The following PLEKHA7 variants were observed in gnomAD, a reference collection of about 807,000 sequenced individuals.
The protein encoded by PLEKHA7 is pleckstrin homology domain-containing family A member 7.
In PLEKHA7, 104 loss-of-function variants were observed where a neutral mutation model predicts 170.0. The observed-to-expected ratio is 0.61, with a 90% confidence interval of 0.52 to 0.72. The LOEUF (loss-of-function observed/expected upper bound fraction) is 0.72, where lower values mean the gene tolerates loss of function less well. PLEKHA7 is among the 30% of genes least tolerant of loss of function. The pLI is 0.00. For missense variants in PLEKHA7, 1,615 were observed against 1,671.7 expected (o/e 0.97, Z 0.59); for synonymous variants, 648 against 660.8 (o/e 0.98, Z 0.30).
intron 3 of PLEKHA7, among the ~76,000 whole-genome samples, chr11:16,989,098 C>G (rs1255799528): frequency 6.6e-6 from 1 of 152,246 alleles, no homozygotes; most frequent in Non-Finnish European, 1.5e-5. Context: ...CAGAGCAGAG[C>G]AGCACCATCA....
intron 9 of PLEKHA7, among the ~76,000 whole-genome samples, chr11:16,833,906 G>A (rs113637011): frequency 0.095 from 14,486 of 151,900 alleles, 813 homozygotes; most frequent in East Asian, 0.15. Context: ...AAAAGTGGCC[G>A]GGCACGGTGG....
At chr11:16,887,532 T>C (rs1856225173) in intron 3 of PLEKHA7, among the ~76,000 whole-genome samples, 1 of 152,204 alleles carries the variant, frequency 6.6e-6, no homozygotes, top group South Asian at 2.1e-4. Context: ...TGCCTGGGAT[T>C]GCAGGCGCGC....
In PLEKHA7 at chr11:16,809,946, C is replaced by T. The variant is rs143376102; in HGVS notation, c.2007+3167G>A. Among the ~76,000 whole-genome samples, 499 of 145,032 alleles carry T rather than the reference C, an allele frequency of 3.4e-3. 9 individuals carry two copies. Among genetic ancestry groups the T allele is most frequent in the African/African-American group, 0.012 (470 of 38,960 alleles). On this transcript the variant is annotated intron_variant, in intron 13 of 26. Coordinates refer to ENST00000531066, the MANE Select transcript of PLEKHA7 (RefSeq NM_001329630.2). ...CAGCTGCTGTTGTGCTTCCTTTCTC[C>T]ACCCAGTGTGTCCCATTAGGGAACT...
chr11:16,854,786 A>G, intron 6 of PLEKHA7, 103 bp downstream of exon 6: 1 of 971,370 alleles, frequency 1.0e-6, no homozygotes, highest in South Asian at 1.4e-5. Context: ...AAACTCAGGA[A>G]CAGAAAGCTT....
chr11:16,947,255 C>T (rs915073391), intron 3 of PLEKHA7, among the ~76,000 whole-genome samples: 3 of 152,064 alleles, frequency 2.0e-5, no homozygotes, highest in Admixed American at 1.3e-4. Context: ...AATGTAAATT[C>T]GTACAGCCAT....
At chr11:16,925,498 C>T (rs917470475) in intron 3 of PLEKHA7, among the ~76,000 whole-genome samples, 1 of 152,196 alleles carries the variant, frequency 6.6e-6, no homozygotes, top group African/African-American at 2.4e-5. Flanking sequence ...CCCGCAGACC[C>T]CCCGAAAGTT....
At chr11:16,872,251 G>C (rs1162954803) in intron 3 of PLEKHA7, among the ~76,000 whole-genome samples, 1 of 151,702 alleles carries the variant, frequency 6.6e-6, no homozygotes, top group African/African-American at 2.4e-5. Flanking sequence ...TTACAGGTGA[G>C]CCACCGTGCC....
chr11:16,961,795 AT>A (rs1160122793), intron 3 of PLEKHA7, among the ~76,000 whole-genome samples: 1 of 152,204 alleles, frequency 6.6e-6, no homozygotes, highest in Non-Finnish European at 1.5e-5. Flanking sequence ...AGGTTATGCC[AT>A]TAATTCGTGA....
At chr11:16,803,078 G>A in intron 14 of PLEKHA7, 26 bp from the exon 15 acceptor site, 1 of 1,598,874 alleles carries the variant, frequency 6.3e-7, no homozygotes, top group Non-Finnish European at 8.6e-7. Flanking sequence ...GGTGGAGAGG[G>A]CCTGGGGTGA....
At chr11:16,982,651 G>A (rs373295459) in intron 3 of PLEKHA7, among the ~76,000 whole-genome samples, 39 of 152,124 alleles carry the variant, frequency 2.6e-4, no homozygotes, top group African/African-American at 7.2e-4. Flanking sequence ...TCTAAAACCC[G>A]TCCTCCTGTG....
At chr11:16,829,090 A>T (rs369458981) in intron 9 of PLEKHA7, among the ~76,000 whole-genome samples, 17 of 151,294 alleles carry the variant, frequency 1.1e-4, no homozygotes, top group Admixed American at 6.6e-4. Flanking sequence ...TGCAGCCTTG[A>T]TCTGCTGGGC....
chr11:16,834,999 G>A (rs1851401119), intron 9 of PLEKHA7, among the ~76,000 whole-genome samples: 1 of 152,248 alleles, frequency 6.6e-6, no homozygotes, highest in Admixed American at 6.5e-5. Context: ...GCTAGGCGCG[G>A]TGGCTCATGC....
At chr11:16,885,638 TA>T (rs11306143) in intron 3 of PLEKHA7, among the ~76,000 whole-genome samples, 113,249 of 149,666 alleles carry the variant, frequency 0.76, 44,937 homozygotes, top group Non-Finnish European at 0.9. Flanking sequence ...ACAAAAATCT[TA>T]AAAAAAAAAA....
chr11:16,925,054 G>A (rs1406940138), intron 3 of PLEKHA7, among the ~76,000 whole-genome samples: 1 of 151,596 alleles, frequency 6.6e-6, no homozygotes, highest in Non-Finnish European at 1.5e-5. Context: ...TAGAGGAAGG[G>A]CAGGCGCCCC....
chr11:16,799,628 T>C (rs1848456284), intron 17 of PLEKHA7, among the ~76,000 whole-genome samples: 1 of 152,226 alleles, frequency 6.6e-6, no homozygotes, highest in Non-Finnish European at 1.5e-5. Context: ...AGGTATAACC[T>C]GGGCAGTTTT....
At chr11:16,879,548 C>T (rs912337254) in intron 3 of PLEKHA7, among the ~76,000 whole-genome samples, 1 of 152,258 alleles carries the variant, frequency 6.6e-6, no homozygotes, top group African/African-American at 2.4e-5. Flanking sequence ...ACATCTGGCA[C>T]ACACTCCATA....
intron 3 of PLEKHA7, among the ~76,000 whole-genome samples, chr11:17,007,735 G>A (rs907810693): frequency 2.0e-5 from 3 of 151,852 alleles, no homozygotes; most frequent in Non-Finnish European, 4.4e-5. Context: ...CATCACACCC[G>A]GCTAAGTTTT....
chr11:16,881,968 GA>G (rs1855747937), intron 3 of PLEKHA7, among the ~76,000 whole-genome samples: 2 of 152,218 alleles, frequency 1.3e-5, no homozygotes, highest in South Asian at 4.1e-4. Context: ...GAGAAGGGCA[GA>G]GGGGTTAAAA....
At chr11:16,838,684 C>T (rs935335081) in intron 9 of PLEKHA7, among the ~76,000 whole-genome samples, 3 of 146,624 alleles carry the variant, frequency 2.0e-5, no homozygotes, top group African/African-American at 7.4e-5. Flanking sequence ...TAGTGAAATA[C>T]ACAGTTTTCT....
Sources: allele counts gnomAD v4.1 joint callset (sites outside exome capture counted in the v4.1 genomes callset), GRCh38; gene constraint gnomAD v4.1.1; transcripts MANE v1.5; gene names NCBI Gene and HGNC (gene_info 2026-07-23, HGNC 2026-07-21).